The following CSMD1 variants were observed in gnomAD, a reference collection of about 807,000 sequenced individuals.
The protein encoded by CSMD1 is CUB and sushi domain-containing protein 1.
A neutral mutation model predicts 417.5 loss-of-function variants in CSMD1; 213 were observed. The ratio of observed to expected loss-of-function variants is 0.51; its 90% CI spans 0.46 to 0.57. CSMD1 has a LOEUF of 0.57. Among genes scored for constraint, CSMD1 ranks in the 20% least tolerant of loss-of-function variants. The pLI is 0.00. For synonymous variants in CSMD1, 2,862 were observed against 1,736.8 expected, an observed-to-expected ratio of 1.65 and a Z score of -16.11; for missense variants, 6,923 against 4,529.7, an observed-to-expected ratio of 1.53 and a Z score of -15.17.
chr8:4,387,814 C>T (rs889555528), intron 3 of CSMD1, among the ~76,000 whole-genome samples: 2 of 151,982 alleles, frequency 1.3e-5, no homozygotes, highest in East Asian at 1.9e-4. Flanking sequence ...CACTTCAAAC[C>T]GTGTAGGTTT....
chr8:4,302,255 G>A (rs919638498), intron 3 of CSMD1, among the ~76,000 whole-genome samples: 5 of 152,208 alleles, frequency 3.3e-5, no homozygotes, highest in Admixed American at 2.0e-4. Flanking sequence ...TGTTTTAGGT[G>A]ATGGTCTGGG....
intron 1 of CSMD1, among the ~76,000 whole-genome samples, chr8:4,644,032 G>A (rs1803366068): frequency 6.6e-6 from 1 of 152,180 alleles, no homozygotes; most frequent in South Asian, 2.1e-4. Context: ...CATGAGCAAA[G>A]AAGAAAAGTA....
intron 3 of CSMD1, among the ~76,000 whole-genome samples, chr8:4,041,644 G>A (rs534736807): frequency 2.0e-5 from 3 of 152,140 alleles, no homozygotes; most frequent in Admixed American, 1.3e-4. Context: ...ATAAGAAGAA[G>A]AAAACTCAAT....
intron 26 of CSMD1, among the ~76,000 whole-genome samples, chr8:3,247,412 T>G (rs142086851): frequency 6.6e-6 from 1 of 152,252 alleles, no homozygotes; most frequent in African/African-American, 2.4e-5. Flanking sequence ...TGCTGACTTC[T>G]CTTATTTCCA....
At chr8:4,115,385 T>C (rs1257915913) in intron 3 of CSMD1, among the ~76,000 whole-genome samples, 1 of 152,234 alleles carries the variant, frequency 6.6e-6, no homozygotes, top group Non-Finnish European at 1.5e-5. Flanking sequence ...CACATAATTT[T>C]CATATGCACT....
chr8:4,384,079 G>C (rs1470737250), intron 3 of CSMD1, among the ~76,000 whole-genome samples: 14 of 152,056 alleles, frequency 9.2e-5, no homozygotes, highest in Non-Finnish European at 2.1e-4. Flanking sequence ...CGTCTCAGAT[G>C]GAATGGTGTT....
At chr8:4,446,350 C>T (rs1413403840) in intron 2 of CSMD1, among the ~76,000 whole-genome samples, 2 of 152,096 alleles carry the variant, frequency 1.3e-5, no homozygotes, top group Non-Finnish European at 2.9e-5. Flanking sequence ...GAGTTTGAAA[C>T]CAGCCTGGGC....
At chr8:3,479,022 C>A (rs1372415890) in intron 11 of CSMD1, among the ~76,000 whole-genome samples, 2 of 152,030 alleles carry the variant, frequency 1.3e-5, no homozygotes, top group African/African-American at 4.8e-5. Flanking sequence ...CCCACCCAAC[C>A]CCATGCACTC....
At chr8:4,860,533 C>G (rs1201419072) in intron 1 of CSMD1, among the ~76,000 whole-genome samples, 1 of 152,066 alleles carries the variant, frequency 6.6e-6, no homozygotes, top group East Asian at 1.9e-4. Flanking sequence ...CTCGCTGGAA[C>G]TTGAGCAGAT....
intron 1 of CSMD1, among the ~76,000 whole-genome samples, chr8:4,789,444 T>G (rs905724671): frequency 6.6e-6 from 1 of 152,042 alleles, no homozygotes; most frequent in Non-Finnish European, 1.5e-5. Context: ...ATCCCCAGAG[T>G]TTACAAAATA....
intron 3 of CSMD1, among the ~76,000 whole-genome samples, chr8:4,238,473 T>C (rs1225827409): frequency 1.3e-5 from 2 of 152,134 alleles, no homozygotes; most frequent in African/African-American, 2.4e-5. Context: ...GCACACTGCC[T>C]TAGGGTAAGG....
intron 49 of CSMD1, among the ~76,000 whole-genome samples, chr8:3,059,152 C>T (rs567907391): frequency 2.0e-5 from 3 of 150,486 alleles, no homozygotes; most frequent in East Asian, 2.0e-4. Flanking sequence ...CCCATCAAAG[C>T]GTATTTTAGC....
At chr8:3,521,124 C>G (rs1797490843) in intron 10 of CSMD1, among the ~76,000 whole-genome samples, 2 of 151,780 alleles carry the variant, frequency 1.3e-5, no homozygotes, top group African/African-American at 4.8e-5. Context: ...TACCAGTCAC[C>G]ATTCCAGTCC....
intron 2 of CSMD1, among the ~76,000 whole-genome samples, chr8:4,426,316 G>A (rs886724976): frequency 1.3e-5 from 2 of 150,682 alleles, no homozygotes; most frequent in African/African-American, 4.9e-5. Context: ...GATATAAAAA[G>A]TTTTTTTAAT....
chr8:3,937,696 C>T (rs149027511), intron 5 of CSMD1, among the ~76,000 whole-genome samples: 2 of 152,220 alleles, frequency 1.3e-5, no homozygotes, highest in African/African-American at 4.8e-5. Context: ...TAACTACAGA[C>T]ATCTTATCAG....
chr8:4,913,075 C>A (rs1365542273), intron 1 of CSMD1, among the ~76,000 whole-genome samples: 1 of 152,066 alleles, frequency 6.6e-6, no homozygotes, highest in Non-Finnish European at 1.5e-5. Context: ...AGGGGTGAGC[C>A]CCCACAAGTG....
intron 1 of CSMD1, among the ~76,000 whole-genome samples, chr8:4,837,252 C>T (rs906701135): frequency 6.7e-6 from 1 of 149,040 alleles, no homozygotes; most frequent in South Asian, 2.1e-4. Flanking sequence ...TGGGCATATA[C>T]CCCCCAAAAA....
At chr8:4,805,449 C>A (rs1798532532) in intron 1 of CSMD1, among the ~76,000 whole-genome samples, 1 of 152,072 alleles carries the variant, frequency 6.6e-6, no homozygotes. Context: ...CCAGGAGGCT[C>A]AGTGGGTTGA....
intron 2 of CSMD1, among the ~76,000 whole-genome samples, chr8:4,480,469 C>T (rs906635712): frequency 2.0e-5 from 3 of 152,190 alleles, no homozygotes; most frequent in African/African-American, 7.2e-5. Context: ...CATAAAAAAG[C>T]AGGGGCCTCA....
Sources: gnomAD v4.1 joint callset for allele counts (sites outside exome capture counted in the v4.1 genomes callset) on GRCh38, gnomAD v4.1.1 for gene constraint, MANE v1.5 for transcripts, NCBI Gene and HGNC (gene_info 2026-07-23, HGNC 2026-07-21) for gene names.